TNKS2: variants seen among roughly 807,000 people sequenced by gnomAD.
TNKS2 encodes the protein tankyrase 2.
A neutral mutation model predicts 137.6 loss-of-function variants in TNKS2; 72 were observed. The ratio of observed to expected loss-of-function variants is 0.52; its 90% confidence interval spans 0.43 to 0.64. The LOEUF (loss-of-function observed/expected upper bound fraction) is 0.64, where lower values mean the gene tolerates loss of function less well. Ranked by LOEUF, TNKS2 falls within the 30% of genes least tolerant of loss-of-function variation. The probability of loss-of-function intolerance (pLI) is 0.00; values close to 1 mark genes in which losing one functional copy is unlikely to be tolerated. For missense variants in TNKS2, 1,049 were observed against 1,410.2 expected, an observed-to-expected ratio of 0.74 and a Z score of 4.10; for synonymous variants, 516 against 512.1, an observed-to-expected ratio of 1.01 and a Z score of -0.10.
rs914752172 is a variant in TNKS2, at chr10:91,863,318, C to T, written c.*319C>T. The stretch of plus-strand genomic sequence containing the variant: ...TGATTCTAACAAACTGTAATGCCCT[C>T]AACAGAACTAATTTTACTAATACAA... On this transcript the variant is annotated 3_prime_UTR_variant, in exon 27 of 27. Transcript: ENST00000371627. 1.5e-5 allele frequency: 3 copies of T among 201,864 alleles called. No individual in the cohort carries two copies. The highest frequency in any genetic ancestry group is 2.3e-5 in the African/African-American group (1 of 43,076). 12.5% of individuals were successfully genotyped at this position (201,864 alleles called of 1,614,324 possible).
intron 1 of TNKS2, among the ~76,000 whole-genome samples, chr10:91,806,353 G>T (rs1002475308): frequency 2.0e-5 from 3 of 152,066 alleles, no homozygotes; most frequent in Non-Finnish European, 2.9e-5. Flanking sequence ...ATGGGCAGGG[G>T]TGTCACAGAA....
At position 91,813,029 on chromosome 10, in the gene TNKS2, A is replaced by G. The variant is rs1844559031; in HGVS notation, c.246A>G (p.Ala82=). ...TTGAATATTTGCTTCAGAATGGTGC[A>G]AATGTCCAAGCACGTGATGATGGGG... is the stretch of plus-strand genomic sequence containing the variant. ...DVVEYLLQNG[A]NVQARDDGGL... is the part of the protein sequence containing the mutation. Residue 82 remains alanine (A), a synonymous_variant, in exon 2 of 27, where the codon GCA becomes GCG. Coordinates refer to ENST00000371627, the MANE Select transcript of TNKS2 (RefSeq NM_025235.4). The G allele has an allele frequency of 6.2e-7, 1 of 1,614,070 alleles. No homozygotes were observed. The highest frequency in any genetic ancestry group is 1.1e-5 in the South Asian group (1 of 91,082).
intron 23 of TNKS2, among the ~76,000 whole-genome samples, chr10:91,855,993 T>C (rs529594375): frequency 7.2e-5 from 11 of 152,332 alleles, no homozygotes; most frequent in Non-Finnish European, 1.3e-4. Context: ...TAAAGTACTC[T>C]ATTGTAACAA....
intron 16 of TNKS2, 40 bp downstream of exon 16, chr10:91,842,431 C>T: frequency 6.4e-7 from 1 of 1,566,062 alleles, no homozygotes; most frequent in East Asian, 2.2e-5. Flanking sequence ...CTGGTAATAT[C>T]TGAGATTCAT....
chr10:91,818,449 G>A (rs911361257), intron 3 of TNKS2, among the ~76,000 whole-genome samples: 1 of 152,174 alleles, frequency 6.6e-6, no homozygotes, highest in African/African-American at 2.4e-5. Flanking sequence ...AATCAGTGAT[G>A]CTATAGATTC....
chr10:91,828,507 G>T, intron 9 of TNKS2, 101 bp downstream of exon 9: 2 of 1,225,980 alleles, frequency 1.6e-6, no homozygotes, highest in Admixed American at 3.6e-5. Context: ...TGAGTCTATA[G>T]TTTTAAAAAA....
chr10:91,815,359 T>C (rs1844652005), intron 2 of TNKS2, among the ~76,000 whole-genome samples: 1 of 152,206 alleles, frequency 6.6e-6, no homozygotes, highest in Admixed American at 6.5e-5. Flanking sequence ...CAATTCTCCT[T>C]TTCTGTATGT....
At chr10:91,860,703 T>G (rs1842830172) in intron 25 of TNKS2, among the ~76,000 whole-genome samples, 1 of 152,208 alleles carries the variant, frequency 6.6e-6, no homozygotes, top group African/African-American at 2.4e-5. Context: ...AGCTGAAGAA[T>G]TGCAGTCATG....
At chr10:91,857,200 A>T (rs1397184514) in intron 23 of TNKS2, among the ~76,000 whole-genome samples, 1 of 152,182 alleles carries the variant, frequency 6.6e-6, no homozygotes, top group East Asian at 1.9e-4. Flanking sequence ...TGACCTTCAC[A>T]TATGGCCTTT....
At position 91,864,729 on chromosome 10, in the gene TNKS2, C is replaced by T. The variant is rs963561683; in HGVS notation, c.*1730C>T. On this transcript the variant is annotated 3_prime_UTR_variant, in exon 27 of 27. Coordinates refer to ENST00000371627, the MANE Select transcript of TNKS2 (RefSeq NM_025235.4). ...AATTACAAATATCCGAAAGTCATTT[C>T]TTGGAACACAAGTGGAGTATGCCAA... is the stretch of plus-strand genomic sequence containing the variant. 5.9e-5 allele frequency: 9 copies of T among 152,558 alleles called. No individual in the cohort carries two copies. The highest frequency in any genetic ancestry group is 1.2e-4 in the Non-Finnish European group (8 of 68,030). 9.5% of individuals were successfully genotyped at this position (152,558 alleles called of 1,614,324 possible).
chr10:91,847,406 C>T (rs1842408613), intron 18 of TNKS2, among the ~76,000 whole-genome samples: 1 of 151,780 alleles, frequency 6.6e-6, no homozygotes, highest in Non-Finnish European at 1.5e-5. Context: ...ACTCTGTCAC[C>T]CAGACTGTAG....
Position 91,844,791 on chromosome 10 carries a change from A to G in TNKS2, c.2060-128A>G, listed in dbSNP as rs74149304. The G allele has an allele frequency of 1.5e-3, 846 of 555,380 alleles. 6 individuals are homozygous for G. Among genetic ancestry groups the G allele is most frequent in the African/African-American group, 0.012 (630 of 50,762 alleles). 34.4% of individuals were successfully genotyped at this position (555,380 alleles called of 1,614,324 possible). A position where few individuals can be genotyped will look rare whatever the true frequency, so the allele number is the denominator to read the frequency against. ...TTTTTTTATGTTTTCAGTAATGTCT[A>G]TGCCTTATAAATACATATATATATG... On this transcript the variant is annotated intron_variant, in intron 16 of 26. Coordinates refer to ENST00000371627, the MANE Select transcript of TNKS2 (RefSeq NM_025235.4).
chr10:91,855,184 C>T (rs764812604), intron 22 of TNKS2, 58 bp downstream of exon 22: 5 of 1,057,242 alleles, frequency 4.7e-6, no homozygotes, highest in Non-Finnish European at 7.3e-6. Context: ...CACTTTGTAT[C>T]CTCTTGTTTC....
intron 12 of TNKS2, chr10:91,836,552 G>GACC (rs1842023880): frequency 1.2e-6 from 1 of 816,948 alleles, no homozygotes; most frequent in African/African-American, 1.9e-5. Flanking sequence ...GCTAATTAAT[G>GACC]ACAGAACCAC....
intron 2 of TNKS2, 125 bp from the exon 3 acceptor site, chr10:91,817,009 A>G: frequency 1.7e-6 from 1 of 575,418 alleles, no homozygotes; most frequent in African/African-American, 1.9e-5. Flanking sequence ...CCATTCTGAC[A>G]AGATATGAAA....
chr10:91,824,295 A>T (rs910014066), intron 7 of TNKS2, among the ~76,000 whole-genome samples: 1 of 152,216 alleles, frequency 6.6e-6, no homozygotes, highest in Non-Finnish European at 1.5e-5. Context: ...CTGGCATTTA[A>T]CAGCAAACAC....
At chr10:91,827,830 T>C (rs2133627585) in intron 8 of TNKS2, among the ~76,000 whole-genome samples, 1 of 152,322 alleles carries the variant, frequency 6.6e-6, no homozygotes, top group Non-Finnish European at 1.5e-5. Flanking sequence ...AGGTGGCTTT[T>C]GCAAATATCC....
chr10:91,800,751 G>A (rs747064607), intron 1 of TNKS2, among the ~76,000 whole-genome samples: 3 of 152,182 alleles, frequency 2.0e-5, no homozygotes, highest in Non-Finnish European at 4.4e-5. Flanking sequence ...TTGAAGTCCT[G>A]CACTTCAATC....
chr10:91,829,832 G>A (rs1226487716), intron 9 of TNKS2, among the ~76,000 whole-genome samples: 1 of 152,162 alleles, frequency 6.6e-6, no homozygotes, highest in Non-Finnish European at 1.5e-5. Context: ...GTTTTTAGAT[G>A]TATAGAGCAA....
Sources: allele counts gnomAD v4.1 joint callset (sites outside exome capture counted in the v4.1 genomes callset), GRCh38; gene constraint gnomAD v4.1.1; transcripts MANE v1.5; gene names NCBI Gene and HGNC (gene_info 2026-07-23, HGNC 2026-07-21).